The following BAZ2B variants were observed in gnomAD, a reference collection of about 807,000 sequenced individuals.
BAZ2B encodes bromodomain adjacent to zinc finger domain protein 2B.
BAZ2B carries 91 observed loss-of-function variants against 246.0 expected under a neutral mutation model. The observed-to-expected ratio is 0.37, with a 90% CI of 0.31 to 0.44. The LOEUF is 0.44. BAZ2B is among the 20% of genes least tolerant of loss of function. The pLI, the probability that BAZ2B is intolerant of heterozygous loss-of-function variation, is 1.00. For synonymous variants in BAZ2B, 855 were observed against 860.0 expected (o/e 0.99, Z 0.10); for missense variants, 2,332 against 2,533.7 (o/e 0.92, Z 1.71).
chr2:159,542,298 T>C (rs1024756478), intron 2 of BAZ2B, among the ~76,000 whole-genome samples: 2 of 152,080 alleles, frequency 1.3e-5, no homozygotes, highest in African/African-American at 4.8e-5. Flanking sequence ...CTTCCCAAAT[T>C]TGAAGAAAGA....
chr2:159,506,203 G>A (rs959034803), intron 2 of BAZ2B, among the ~76,000 whole-genome samples: 10 of 152,034 alleles, frequency 6.6e-5, no homozygotes, highest in Non-Finnish European at 2.9e-5. Context: ...GACTACCTGG[G>A]TAAGGCTCTC....
chr2:159,670,376 T>C, the BAZ2B span, among the ~76,000 whole-genome samples: 1 of 152,204 alleles, frequency 6.6e-6, no homozygotes. Context: ...TTTTAGCGAT[T>C]TCTGTAAGGA....
chr2:159,610,710 A>G (rs146208419), intron 1 of BAZ2B, among the ~76,000 whole-genome samples: 2 of 152,326 alleles, frequency 1.3e-5, no homozygotes, highest in African/African-American at 4.8e-5. Flanking sequence ...TTCAAAAGCC[A>G]AAGTACAAGT....
chr2:159,369,644 T>C lies in BAZ2B; in HGVS notation c.4213+3401A>G, dbSNP rs113209204. Among the ~76,000 whole-genome samples, 39 of 152,320 alleles carry C rather than the reference T, an allele frequency of 2.6e-4. 1 individual carries two copies. Among genetic ancestry groups the C allele is most frequent in the African/African-American group, 8.4e-4 (35 of 41,576 alleles). ...CATGCCCAAGTGACTAAGAAGAATG[T>C]GGCTCTTAAACATATTGAATATTTA... On this transcript the variant is annotated intron_variant, in intron 27 of 36. Coordinates refer to ENST00000392783, the MANE Select transcript of BAZ2B (RefSeq NM_013450.4).
At chr2:159,667,943 T>C in the BAZ2B span, among the ~76,000 whole-genome samples, 1 of 152,118 alleles carries the variant, frequency 6.6e-6, no homozygotes, top group African/African-American at 2.4e-5. Context: ...AAATTTTAAT[T>C]GAAATTATAT....
At chr2:159,366,192 C>T (rs2060200103) in intron 27 of BAZ2B, among the ~76,000 whole-genome samples, 1 of 152,206 alleles carries the variant, frequency 6.6e-6, no homozygotes, top group Non-Finnish European at 1.5e-5. Flanking sequence ...CCCAGTGGAT[C>T]CATGCCCCAC....
chr2:159,558,072 C>G (rs1056380261), intron 1 of BAZ2B, among the ~76,000 whole-genome samples: 2 of 152,034 alleles, frequency 1.3e-5, no homozygotes, highest in African/African-American at 4.8e-5. Context: ...TCATGCTAAA[C>G]TAAGTATTAG....
chr2:159,681,381 A>T, the BAZ2B span, among the ~76,000 whole-genome samples: 1 of 152,060 alleles, frequency 6.6e-6, no homozygotes, highest in Non-Finnish European at 1.5e-5. Context: ...ATTATAAAAC[A>T]AAATCAGGCA....
chr2:159,497,629 G>C (rs1363946361), intron 2 of BAZ2B, among the ~76,000 whole-genome samples: 1 of 152,184 alleles, frequency 6.6e-6, no homozygotes, highest in African/African-American at 2.4e-5. Context: ...AACAGGGAAA[G>C]TGGTTGCTGA....
chr2:159,341,430 T>C (rs1452361398), intron 31 of BAZ2B, among the ~76,000 whole-genome samples: 1 of 152,196 alleles, frequency 6.6e-6, no homozygotes, highest in East Asian at 1.9e-4. Context: ...AATATGATAA[T>C]GGCTGGGGAT....
At chr2:159,640,027 CA>C in the BAZ2B span, among the ~76,000 whole-genome samples, 1 of 151,776 alleles carries the variant, frequency 6.6e-6, no homozygotes, top group Admixed American at 6.6e-5. Flanking sequence ...CATTTGGTGC[CA>C]ATGGAAACCA....
chr2:159,642,710 A>G, the BAZ2B span, among the ~76,000 whole-genome samples: 45 of 152,366 alleles, frequency 3.0e-4, no homozygotes, highest in African/African-American at 1.0e-3. Context: ...AAAAAAGAGA[A>G]TTAAAATGTT....
chr2:159,393,412 T>C (rs542348544), intron 20 of BAZ2B, among the ~76,000 whole-genome samples: 5 of 152,326 alleles, frequency 3.3e-5, no homozygotes, highest in Admixed American at 1.3e-4. Context: ...TATGCACTTA[T>C]TGGCTTTATT....
chr2:159,547,778 G>A (rs2087582899), intron 2 of BAZ2B, among the ~76,000 whole-genome samples: 1 of 152,044 alleles, frequency 6.6e-6, no homozygotes, highest in Admixed American at 6.5e-5. Context: ...ATCTGTAAAA[G>A]TTTCTTTTTT....
intron 1 of BAZ2B, among the ~76,000 whole-genome samples, chr2:159,560,493 G>A (rs1361346178): frequency 6.6e-6 from 1 of 152,158 alleles, no homozygotes; most frequent in Non-Finnish European, 1.5e-5. Flanking sequence ...TGGACATGGA[G>A]AAGTTAAGGA....
chr2:159,410,510 T>A (rs1301892755), intron 14 of BAZ2B, among the ~76,000 whole-genome samples: 1 of 152,170 alleles, frequency 6.6e-6, no homozygotes, highest in East Asian at 1.9e-4. Flanking sequence ...CTCTTCTGGG[T>A]GCCTTGTGAA....
At chr2:159,460,666 CTT>C (rs1055842618) in intron 3 of BAZ2B, 11 of 152,124 alleles carry the variant, frequency 7.2e-5, no homozygotes, top group East Asian at 1.9e-4. Context: ...TCAGTAATAA[CTT>C]AGTGTAATAG....
chr2:159,409,132 T>C (rs955007482), intron 14 of BAZ2B, among the ~76,000 whole-genome samples: 1 of 152,170 alleles, frequency 6.6e-6, no homozygotes, highest in Non-Finnish European at 1.5e-5. Flanking sequence ...AGAAACTGTC[T>C]GCTTTAATTT....
At chr2:159,689,630 C>A in the BAZ2B span, 6 of 261,078 alleles carry the variant, frequency 2.3e-5, no homozygotes, top group Admixed American at 3.3e-4. Context: ...CACCTCAGCC[C>A]CAAAGTGCTG....
Sources: gnomAD v4.1 joint callset for allele counts (sites outside exome capture counted in the v4.1 genomes callset) on GRCh38, gnomAD v4.1.1 for gene constraint, MANE v1.5 for transcripts, NCBI Gene and HGNC (gene_info 2026-07-23, HGNC 2026-07-21) for gene names.